Variants in TTC7B observed in about 807,000 individuals in gnomAD.
TTC7B encodes tetratricopeptide repeat protein 7B.
A neutral mutation model predicts 106.8 loss-of-function variants in TTC7B; 28 were observed. The ratio of observed to expected loss-of-function variants is 0.26; its 90% CI spans 0.19 to 0.36. The LOEUF is 0.36. Among genes scored for constraint, TTC7B ranks in the 10% least tolerant of loss-of-function variants. The probability of loss-of-function intolerance (pLI) is 1.00; values close to 1 mark genes in which losing one functional copy is unlikely to be tolerated. For synonymous variants in TTC7B, 405 were observed against 430.6 expected, an observed-to-expected ratio of 0.94 and a Z score of 0.74; for missense variants, 862 against 1,076.4, an observed-to-expected ratio of 0.80 and a Z score of 2.79.
chr14:90,792,394 T>A (rs12880689), intron 1 of TTC7B, among the ~76,000 whole-genome samples: 78,074 of 151,762 alleles, frequency 0.51, 22,434 homozygotes, highest in Admixed American at 0.64. Flanking sequence ...TTGGCCAATA[T>A]GCAGAAACCC....
intron 3 of TTC7B, among the ~76,000 whole-genome samples, chr14:90,779,454 G>A (rs1380204718): frequency 6.6e-6 from 1 of 152,074 alleles, no homozygotes; most frequent in African/African-American, 2.4e-5. Context: ...ACAGGCACCT[G>A]CCACCACACC....
rs1389145660 is a variant in TTC7B, at chr14:90,645,516, C to T, written c.1591-1308G>A. On this transcript the variant is annotated intron_variant, in intron 14 of 19. Coordinates refer to ENST00000328459, the MANE Select transcript of TTC7B (RefSeq NM_001010854.2). Reference sequence around the variant, plus strand: ...CCTCCCCTGGGGAAGCAGGGAAACACTCCCTCGGAGCTCTGGTGTTCTGAC... The same window carrying T: ...CCTCCCCTGGGGAAGCAGGGAAACATTCCCTCGGAGCTCTGGTGTTCTGAC... Among the ~76,000 whole-genome samples the T allele has an allele frequency of 2.0e-5, 3 of 152,222 alleles. No individual in the cohort carries two copies. In the South Asian group the frequency reaches 6.2e-4, roughly 32 times the overall value.
chr14:90,730,665 A>G (rs1889290940), intron 4 of TTC7B, among the ~76,000 whole-genome samples: 1 of 152,174 alleles, frequency 6.6e-6, no homozygotes, highest in South Asian at 2.1e-4. Flanking sequence ...TGTGATCTGC[A>G]CTAGCCCTGG....
Position 90,661,955 on chromosome 14 carries a change from T to C in TTC7B, c.1153-3568A>G, listed in dbSNP as rs74469335. ...TGAAGCACATTCACCGGAGGTCTAATTGGTATAGAACTGCATTCCAGGTGC... is the reference window on the plus strand; with the variant it reads ...TGAAGCACATTCACCGGAGGTCTAACTGGTATAGAACTGCATTCCAGGTGC... On this transcript the variant is annotated intron_variant, in intron 9 of 19. Coordinates refer to ENST00000328459, the MANE Select transcript of TTC7B (RefSeq NM_001010854.2). Among the ~76,000 whole-genome samples the C allele has an allele frequency of 9.5e-3, 1,454 of 152,272 alleles. 8 individuals are homozygous for C. Among genetic ancestry groups the C allele is most frequent in the Non-Finnish European group, 0.016 (1,094 of 68,018 alleles).
At chr14:90,610,634 A>G (rs1892830758) in intron 17 of TTC7B, 108 bp downstream of exon 17, 1 of 781,750 alleles carries the variant, frequency 1.3e-6, no homozygotes, top group African/African-American at 1.7e-5. Context: ...TATTTGTGCA[A>G]GAAATTTTTC....
intron 15 of TTC7B, among the ~76,000 whole-genome samples, 190 bp from the exon 16 acceptor site, chr14:90,618,235 C>T (rs1006833644): frequency 2.0e-5 from 3 of 152,222 alleles, no homozygotes; most frequent in Non-Finnish European, 2.9e-5. Context: ...GCACAAGTCT[C>T]ACCACTAACG....
chr14:90,791,722 A>G (rs1456060204), intron 1 of TTC7B, among the ~76,000 whole-genome samples: 1 of 152,020 alleles, frequency 6.6e-6, no homozygotes, highest in Non-Finnish European at 1.5e-5. Flanking sequence ...TGCTGATGGA[A>G]AATGGCACGC....
intron 18 of TTC7B, among the ~76,000 whole-genome samples, chr14:90,582,100 C>G (rs1891519645): frequency 6.6e-6 from 1 of 152,186 alleles, no homozygotes; most frequent in African/African-American, 2.4e-5. Context: ...GGCATGATGT[C>G]CTGCAGTGAT....
At chr14:90,685,307 T>C (rs913162441) in intron 7 of TTC7B, among the ~76,000 whole-genome samples, 7 of 152,194 alleles carry the variant, frequency 4.6e-5, no homozygotes, top group African/African-American at 1.7e-4. Flanking sequence ...CAAACCAGCA[T>C]AACTGAATGG....
At chr14:90,544,461 G>A (rs916014605) in intron 19 of TTC7B, among the ~76,000 whole-genome samples, 4 of 152,088 alleles carry the variant, frequency 2.6e-5, no homozygotes, top group Admixed American at 1.3e-4. Context: ...GTCCAGCTGC[G>A]GGTGGCAAAT....
At chr14:90,583,024 T>C (rs1243639052) in intron 18 of TTC7B, among the ~76,000 whole-genome samples, 1 of 152,220 alleles carries the variant, frequency 6.6e-6, no homozygotes, top group Non-Finnish European at 1.5e-5. Context: ...CAAGTATTGA[T>C]TATGAACCTG....
chr14:90,625,085 G>A (rs1884381123), intron 15 of TTC7B, among the ~76,000 whole-genome samples: 1 of 152,224 alleles, frequency 6.6e-6, no homozygotes, highest in African/African-American at 2.4e-5. Flanking sequence ...GTGAGCATCT[G>A]TCACCAGGTA....
rs1885484068 is a variant in TTC7B at position 90,646,957 on chromosome 14, G to A, written c.1584C>T (p.Ser528=). ...AAACATTAGAGAAACTGACCTGTCT[G>A]GAGATGGCAAGCTGCAGAGCCAGGT... ...AFYLALQLAI[S]RQIPEALGYV... The change falls in exon 14 of 20, where the codon TCC becomes TCT. Residue 528 remains serine (S), a synonymous_variant. Transcript: ENST00000328459. 6.8e-6 allele frequency: 11 copies of A among 1,614,014 alleles called. No individual in the cohort carries two copies. Among genetic ancestry groups the A allele is most frequent in the Non-Finnish European group, 9.3e-6 (11 of 1,179,836 alleles).
chr14:90,667,548 C>T (rs1020731842), intron 9 of TTC7B, among the ~76,000 whole-genome samples: 2 of 152,198 alleles, frequency 1.3e-5, no homozygotes, highest in Non-Finnish European at 2.9e-5. Flanking sequence ...TCTTCTCATG[C>T]ATGGATCTAT....
In TTC7B at chr14:90,796,784, G is replaced by A. The variant is rs931191115; in HGVS notation, c.122-10456C>T. The stretch of plus-strand genomic sequence containing the variant: ...GAAGAAACACACCGCTATTCAGGGA[G>A]GAGTTGGCTCCTCAGTGTCCCCTTT... On this transcript the variant is annotated intron_variant, in intron 1 of 19. Transcript: ENST00000328459. Among the ~76,000 whole-genome samples the A allele has an allele frequency of 2.4e-4, 36 of 152,112 alleles. 1 individual carries two copies. The highest frequency in any genetic ancestry group is 7.5e-4 in the African/African-American group (31 of 41,442).
At chr14:90,610,615 T>C (rs1038361773) in intron 17 of TTC7B, 127 bp downstream of exon 17, 1 of 700,216 alleles carries the variant, frequency 1.4e-6, no homozygotes, top group Non-Finnish European at 2.6e-6. Context: ...CTCGGTTGAG[T>C]GTTTAAACTA....
At chr14:90,611,966 G>A (rs537575312) in intron 16 of TTC7B, among the ~76,000 whole-genome samples, 1 of 152,214 alleles carries the variant, frequency 6.6e-6, no homozygotes, top group South Asian at 2.1e-4. Flanking sequence ...GTGATTTTTT[G>A]TTGTGAAGAA....
At chr14:90,756,383 T>G (rs11309486) in intron 3 of TTC7B, among the ~76,000 whole-genome samples, 688 of 28,036 alleles carry the variant, frequency 0.025, 4 homozygotes, top group African/African-American at 0.046. Flanking sequence ...TTTTTTTTTT[T>G]GTTTTTTTTT....
chr14:90,737,779 G>C (rs1889600242), intron 4 of TTC7B, among the ~76,000 whole-genome samples: 1 of 151,994 alleles, frequency 6.6e-6, no homozygotes, highest in Non-Finnish European at 1.5e-5. Context: ...GGCTGGTCTT[G>C]AACTCCTGAC....
Sources: gnomAD v4.1 joint callset for allele counts (sites outside exome capture counted in the v4.1 genomes callset) on GRCh38, gnomAD v4.1.1 for gene constraint, MANE v1.5 for transcripts, NCBI Gene and HGNC (gene_info 2026-07-23, HGNC 2026-07-21) for gene names.